Variants in HNRNPH3 observed in about 807,000 individuals in gnomAD.
HNRNPH3 encodes the protein heterogeneous nuclear ribonucleoprotein H3.
HNRNPH3 carries 7 observed loss-of-function variants against 47.0 expected under a neutral mutation model. That is an observed-to-expected ratio of 0.15 (90% CI 0.08 to 0.28). The LOEUF (loss-of-function observed/expected upper bound fraction) is 0.28. HNRNPH3 is among the 10% of genes least tolerant of loss of function. The pLI, the probability that HNRNPH3 is intolerant of heterozygous loss-of-function variation, is 1.00. For synonymous variants in HNRNPH3, 120 were observed against 143.2 expected (o/e 0.84, Z 1.16); for missense variants, 279 against 449.6 (o/e 0.62, Z 3.43).
intron 6 of HNRNPH3, 38 bp from the exon 7 acceptor site, chr10:68,341,136 C>T (rs754557477): frequency 7.1e-7 from 1 of 1,411,234 alleles, no homozygotes; most frequent in Non-Finnish European, 9.6e-7. Context: ...CTTTAATATT[C>T]TCAATAGAAA....
Position 68,337,263 on chromosome 10 carries a change from T to C in HNRNPH3, c.42T>C (p.Ser14=). The part of the protein sequence containing the change: ...VMKHNGPNDA[S]DGTVRLRGLP... ...AACATAATGGTCCAAATGACGCTAG[T>C]GATGGGACAGTACGACTTCGTGGAC... Residue 14 remains serine (S), a synonymous_variant, in exon 2 of 10, where the codon AGT becomes AGC. Transcript: ENST00000265866. This position sits in a 1 kb window ranked among gnomAD's most constrained non-coding sequence, Gnocchi z 4.5. The C allele has an allele frequency of 6.2e-7, 1 of 1,613,490 alleles. No individual in the cohort carries two copies. The highest frequency in any genetic ancestry group is 8.5e-7 in the Non-Finnish European group (1 of 1,179,382).
intron 3 of HNRNPH3, 188 bp from the exon 4 acceptor site, chr10:68,338,315 T>C: frequency 4.3e-6 from 2 of 465,464 alleles, no homozygotes; most frequent in Non-Finnish European, 7.6e-6. Context: ...TTTCCGTGAC[T>C]AATTTCTTTG....
At chr10:68,340,837 GTC>G (rs1401761226) in intron 6 of HNRNPH3, among the ~76,000 whole-genome samples, 3 of 150,400 alleles carry the variant, frequency 2.0e-5, no homozygotes, top group African/African-American at 4.9e-5. Flanking sequence ...CTCCCACTCT[GTC>G]TCTCTGAGGC....
Position 68,337,468 on chromosome 10 carries a change from AAAT to A in HNRNPH3, c.112+140_112+142del. On this transcript the variant is annotated intron_variant, in intron 2 of 9. Coordinates refer to ENST00000265866, the MANE Select transcript of HNRNPH3 (RefSeq NM_012207.3). This position sits in a 1 kb window ranked among gnomAD's most constrained non-coding sequence, Gnocchi z 4.5. The stretch of plus-strand genomic sequence containing the variant: ...TATGATAGTCTTGGTTAATGTATTA[AAAT>A]AATATGCTCCAGTTAATATTCAATA... 4.9e-6 allele frequency: 3 copies of A among 609,408 alleles called. No individual in the cohort carries two copies. The highest frequency in any genetic ancestry group is 8.7e-6 in the Non-Finnish European group (3 of 343,510). The allele number at this position is 609,408 out of a possible 1,614,324, so 37.8% of individuals were successfully genotyped here.
Position 68,343,004 on chromosome 10 carries a change from T to TTTTAG in HNRNPH3, c.*955_*959dup, listed in dbSNP as rs1246175743. The TTTTAG allele has an allele frequency of 4.6e-5, 7 of 152,130 alleles. No homozygotes were observed. The highest frequency in any genetic ancestry group is 1.4e-4 in the African/African-American group (6 of 41,428). 9.4% of individuals were successfully genotyped at this position (152,130 alleles called of 1,614,324 possible). A position where few individuals can be genotyped will look rare whatever the true frequency, so the allele number is the denominator to read the frequency against. ...TTTTGTATCTGATCCCTGCTTGGAGTTTTAGTTTAAAGAATCTATATGTAG... is the reference window on the plus strand; with the variant it reads ...TTTTGTATCTGATCCCTGCTTGGAGTTTTAGTTTAGTTTAAAGAATCTATATGTAG... On this transcript the variant is annotated 3_prime_UTR_variant, in exon 10 of 10. Coordinates refer to ENST00000265866, the MANE Select transcript of HNRNPH3 (RefSeq NM_012207.3).
chr10:68,337,395 GTTT>G lies in HNRNPH3; in HGVS notation c.112+65_112+67del, dbSNP rs1027081448. 18 of 1,065,184 alleles carry G rather than the reference GTTT, an allele frequency of 1.7e-5. No homozygotes were observed. The highest frequency in any genetic ancestry group is 2.0e-4 in the Middle Eastern group (1 of 4,924). 66.0% of individuals were successfully genotyped at this position (1,065,184 alleles called of 1,614,324 possible). A position where few individuals can be genotyped will look rare whatever the true frequency, so the allele number is the denominator to read the frequency against. ...AATTTTATATTTGTATTGTTTTACT[GTTT>G]TTAATTTGTAAAACCCATTTGATTT... On this transcript the variant is annotated intron_variant, in intron 2 of 9. Transcript: ENST00000265866. This position sits in a 1 kb window ranked among gnomAD's most constrained non-coding sequence, Gnocchi z 4.5.
intron 1 of HNRNPH3, among the ~76,000 whole-genome samples, chr10:68,336,568 ATCTGATTAATTCAGTCATTTTATAATC>A (rs1290169298): frequency 6.6e-6 from 1 of 152,170 alleles, no homozygotes; most frequent in Non-Finnish European, 1.5e-5. Context: ...CTCAGTTTTA[ATCTGATTAATTCAGTCATTTTATAATC>A]TTGCTCTTGG....
At chr10:68,338,383 T>C in intron 3 of HNRNPH3, 120 bp from the exon 4 acceptor site, 10 of 559,748 alleles carry the variant, frequency 1.8e-5, no homozygotes, top group Non-Finnish European at 3.1e-5. Context: ...ACGGTGTATT[T>C]AGGCAATTTA....
In HNRNPH3 at chr10:68,337,662, C is replaced by A; in HGVS notation, c.113-196C>A. 1.9e-6 allele frequency: 1 copy of A among 538,434 alleles called. No individual in the cohort carries two copies. The allele number at this position is 538,434 out of a possible 1,614,324, so 33.4% of individuals were successfully genotyped here. On this transcript the variant is annotated intron_variant, in intron 2 of 9. Coordinates refer to ENST00000265866, the MANE Select transcript of HNRNPH3 (RefSeq NM_012207.3). This position sits in a 1 kb window ranked among gnomAD's most constrained non-coding sequence, Gnocchi z 4.5. Reference sequence around the variant, plus strand: ...AGTGTGTAATTACACAGTGTTTTTACACTGGTCGCAAAAAATTTATTTAAT... The same window carrying A: ...AGTGTGTAATTACACAGTGTTTTTAAACTGGTCGCAAAAAATTTATTTAAT...
Position 68,339,569 on chromosome 10 carries a change from A to C in HNRNPH3, c.639+14A>C. 6.7e-7 allele frequency: 1 copy of C among 1,482,070 alleles called. No homozygotes were observed. The highest frequency in any genetic ancestry group is 9.4e-7 in the Non-Finnish European group (1 of 1,061,682). The allele number at this position is 1,482,070 out of a possible 1,614,324, so 91.8% of individuals were successfully genotyped here. A position where few individuals can be genotyped will look rare whatever the true frequency, so the allele number is the denominator to read the frequency against. On this transcript the variant is annotated intron_variant, in intron 6 of 9. Coordinates refer to ENST00000265866, the MANE Select transcript of HNRNPH3 (RefSeq NM_012207.3). The stretch of plus-strand genomic sequence containing the variant: ...GACATTGCTAATGTGAGTAATTTTT[A>C]ATAACTATTAGTGGTTTTATACTTA...
At chr10:68,332,632 A>T (rs1000292075) in intron 1 of HNRNPH3, among the ~76,000 whole-genome samples, 11 of 151,820 alleles carry the variant, frequency 7.2e-5, no homozygotes, top group Non-Finnish European at 1.5e-5. Flanking sequence ...CCTGGAAGGG[A>T]TGAGGGTGGG....
At chr10:68,339,312 G>T (rs1589711219) in intron 5 of HNRNPH3, 86 bp downstream of exon 5, 1 of 1,569,620 alleles carries the variant, frequency 6.4e-7, no homozygotes, top group African/African-American at 1.4e-5. Flanking sequence ...TAGGAAACTT[G>T]TATAAAGTTA....
intron 5 of HNRNPH3, 35 bp from the exon 6 acceptor site, chr10:68,339,405 A>G: frequency 6.4e-7 from 1 of 1,567,332 alleles, no homozygotes; most frequent in Non-Finnish European, 8.8e-7. Flanking sequence ...TTGTATCTGT[A>G]ATAGTTTATA....
At chr10:68,341,561 T>C (rs1422723327) in intron 7 of HNRNPH3, 24 bp from the exon 8 acceptor site, 9 of 1,470,384 alleles carry the variant, frequency 6.1e-6, no homozygotes, top group African/African-American at 1.4e-5. Flanking sequence ...TTCTCCCCTG[T>C]TACTCTTTCT....
At chr10:68,338,022 G>A (rs1006436370) in intron 3 of HNRNPH3, 26 bp downstream of exon 3, 1 of 1,547,048 alleles carries the variant, frequency 6.5e-7, no homozygotes, top group Admixed American at 1.7e-5. Flanking sequence ...TTGGGATGGT[G>A]TTAAATTTTT....
chr10:68,335,606 G>T (rs189195874), intron 1 of HNRNPH3, among the ~76,000 whole-genome samples: 1 of 152,030 alleles, frequency 6.6e-6, no homozygotes, highest in Non-Finnish European at 1.5e-5. Context: ...TCTTTTCAAG[G>T]CTTGAATTGT....
intron 1 of HNRNPH3, 117 bp downstream of exon 1, chr10:68,332,333 GC>G (rs1176738204): frequency 6.6e-6 from 1 of 152,196 alleles, no homozygotes; most frequent in Non-Finnish European, 1.5e-5. Context: ...CCGCTCGGAG[GC>G]CGCCGCTTGG....
chr10:68,342,468 A>G lies in HNRNPH3; in HGVS notation c.*414A>G, dbSNP rs886891769. 6.4e-6 allele frequency: 1 copy of G among 156,236 alleles called. No individual in the cohort carries two copies. Among genetic ancestry groups the G allele is most frequent in the African/African-American group, 2.4e-5 (1 of 41,500 alleles). The allele number at this position is 156,236 out of a possible 1,614,324, so 9.7% of individuals were successfully genotyped here. On this transcript the variant is annotated 3_prime_UTR_variant, in exon 10 of 10. Transcript: ENST00000265866. ...TAGAGCTTGACAAATAATTAGTGTA[A>G]CTTTTTTCTTTAGTTCCTCCTGGAC...
intron 3 of HNRNPH3, 177 bp downstream of exon 3, chr10:68,338,173 A>AAAATCT: frequency 2.0e-6 from 1 of 496,916 alleles, no homozygotes. Context: ...GCTAATAGTT[A>AAAATCT]AATTAAAATT....
Sources: allele counts gnomAD v4.1 joint callset (sites outside exome capture counted in the v4.1 genomes callset), GRCh38; gene constraint gnomAD v4.1.1; non-coding constraint Gnocchi (gnomAD v3.1); transcripts MANE v1.5; gene names NCBI Gene and HGNC (gene_info 2026-07-23, HGNC 2026-07-21).